PLEKHA4: variants seen among roughly 807,000 people sequenced by gnomAD.
The protein encoded by PLEKHA4 is pleckstrin homology domain containing A4, also known as pleckstrin homology domain-containing family A member 4.
In PLEKHA4, 73 loss-of-function variants were observed where a neutral mutation model predicts 94.7. That is an observed-to-expected ratio of 0.77 (90% CI 0.64 to 0.94). The LOEUF (loss-of-function observed/expected upper bound fraction) is 0.94. PLEKHA4 is among the 40% of genes least tolerant of loss of function. The probability of loss-of-function intolerance (pLI) is 0.00; values close to 1 mark genes in which losing one functional copy is unlikely to be tolerated. For missense variants in PLEKHA4, 1,049 were observed against 1,054.1 expected (o/e 1.00, Z 0.07); for synonymous variants, 449 against 437.1 (o/e 1.03, Z -0.34).
At chr19:48,865,114 C>T (rs1224269684) in intron 3 of PLEKHA4, among the ~76,000 whole-genome samples, 1 of 152,052 alleles carries the variant, frequency 6.6e-6, no homozygotes, top group African/African-American at 2.4e-5. Context: ...GGAGCCGAGG[C>T]GGGTGGATCA....
Position 48,847,919 on chromosome 19 carries a change from T to C in PLEKHA4, c.1547A>G (p.Glu516Gly). ...PDSPSPVLQG[E>G]ESSERESLPE... ...TCTTACCTCCCTCTCTGAGGACTCCTCGCCCTGGAGCACGGGAGATGGGGA... is the reference window on the plus strand; with the variant it reads ...TCTTACCTCCCTCTCTGAGGACTCCCCGCCCTGGAGCACGGGAGATGGGGA... Residue 516 changes from glutamate to glycine, a missense_variant, in exon 14 of 20, where the codon GAG (glutamate) becomes GGG (glycine). Transcript: ENST00000263265. 1 of 1,586,496 alleles carries C rather than the reference T, an allele frequency of 6.3e-7. No individual in the cohort carries two copies. The highest frequency in any genetic ancestry group is 8.6e-7 in the Non-Finnish European group (1 of 1,166,930).
intron 2 of PLEKHA4, 131 bp from the exon 3 acceptor site, chr19:48,865,741 G>T (rs557440755): frequency 1.6e-6 from 1 of 609,822 alleles, no homozygotes; most frequent in South Asian, 2.0e-5. Context: ...CCAGCCGGGC[G>T]CAGTGGCTCA....
At chr19:48,844,499 G>A (rs896292725) in intron 16 of PLEKHA4, 31 of 985,042 alleles carry the variant, frequency 3.1e-5, no homozygotes, top group Non-Finnish European at 3.7e-5. Flanking sequence ...ATCCCAACAG[G>A]TACCCCAAAG....
chr19:48,845,397 G>A lies in PLEKHA4; in HGVS notation c.1716C>T (p.His572=). ...VSRASSPEGR[H]LPSPQLGTKA... ...TGGTTCCTAGCTGTGGGGAAGGGAG[G>A]TGGCGACCCTCAGGGCTGGAAGCCC... is the stretch of plus-strand genomic sequence containing the variant. Residue 572 remains histidine (H), a synonymous_variant, in exon 16 of 20, where the codon CAC becomes CAT. Transcript: ENST00000263265. 6.2e-7 allele frequency: 1 copy of A among 1,613,380 alleles called. No individual in the cohort carries two copies. Among genetic ancestry groups the A allele is most frequent in the Non-Finnish European group, 8.5e-7 (1 of 1,180,014 alleles).
chr19:48,854,149 C>T lies in PLEKHA4; in HGVS notation c.1096-62G>A, dbSNP rs113718061. 1.5e-4 allele frequency: 238 copies of T among 1,612,664 alleles called. 2 individuals carry two copies. The South Asian group carries it at 1.8e-3, about 12-fold the overall frequency. On this transcript the variant is annotated intron_variant, in intron 10 of 19. Transcript: ENST00000263265. ...ATCTGGCTCTTCCCCTGCCGCTCCT[C>T]CCATCATCTAGAACATTCTCTCCCC...
At chr19:48,866,903 C>G (rs559620740) in intron 2 of PLEKHA4, among the ~76,000 whole-genome samples, 2 of 152,246 alleles carry the variant, frequency 1.3e-5, no homozygotes, top group African/African-American at 4.8e-5. Context: ...TCCATCCTGC[C>G]CGGATGGAGC....
At chr19:48,838,396 C>A in intron 18 of PLEKHA4, 5 of 188,234 alleles carry the variant, frequency 2.7e-5, no homozygotes, top group East Asian at 1.1e-4. Context: ...CTGCCTGTAT[C>A]AAAACATCTC....
At chr19:48,859,273 C>T in intron 7 of PLEKHA4, 134 bp from the exon 8 acceptor site, 1 of 912,180 alleles carries the variant, frequency 1.1e-6, no homozygotes, top group Non-Finnish European at 1.7e-6. Context: ...GAATCCTCCT[C>T]TACTGTCCAA....
chr19:48,838,698 C>T (rs896530003), intron 18 of PLEKHA4, among the ~76,000 whole-genome samples: 38 of 146,992 alleles, frequency 2.6e-4, no homozygotes, highest in African/African-American at 8.1e-4. Context: ...ACCCAGAAGG[C>T]GGAGGTTGCA....
chr19:48,844,612 C>G (rs1017182329), intron 16 of PLEKHA4: 1 of 985,088 alleles, frequency 1.0e-6, no homozygotes, highest in Non-Finnish European at 1.2e-6. Flanking sequence ...GTGATGGATC[C>G]GTACTTCTGA....
chr19:48,843,165 A>T (rs550206867), intron 16 of PLEKHA4, among the ~76,000 whole-genome samples: 24 of 150,700 alleles, frequency 1.6e-4, no homozygotes, highest in Middle Eastern at 3.4e-3. Context: ...TCTTTTTTTT[A>T]AATTATTTTA....
intron 8 of PLEKHA4, among the ~76,000 whole-genome samples, chr19:48,857,703 A>G (rs1425033778): frequency 6.6e-6 from 1 of 151,166 alleles, no homozygotes; most frequent in Non-Finnish European, 1.5e-5. Flanking sequence ...TGTTAAACAG[A>G]TGCTTGAAGG....
At position 48,839,302 on chromosome 19, in the gene PLEKHA4, A is replaced by G. The variant is rs200241620; in HGVS notation, c.1906-39T>C. On this transcript the variant is annotated intron_variant, in intron 17 of 19. Transcript: ENST00000263265. ...GGGGCATTAGAACTCCTCACCTGGA[A>G]GCCCCACGTTCTCATTTTGAGGGTG... 1.0e-4 allele frequency: 144 copies of G among 1,432,918 alleles called. 1 individual carries two copies. In the African/African-American group the frequency reaches 1.8e-3, roughly 18 times the overall value. 88.8% of individuals were successfully genotyped at this position (1,432,918 alleles called of 1,614,324 possible).
chr19:48,859,265 A>C (rs2036547136), intron 7 of PLEKHA4, 126 bp from the exon 8 acceptor site: 1 of 923,504 alleles, frequency 1.1e-6, no homozygotes, highest in East Asian at 2.6e-5. Flanking sequence ...CTGGGTTAGA[A>C]TCCTCCTCTA....
intron 16 of PLEKHA4, 136 bp from the exon 17 acceptor site, chr19:48,841,446 G>T: frequency 1.1e-6 from 1 of 908,844 alleles, no homozygotes; most frequent in Non-Finnish European, 1.6e-6. Flanking sequence ...GGCCAACTTG[G>T]CGAAATACCA....
At chr19:48,842,438 C>T (rs901666692) in intron 16 of PLEKHA4, among the ~76,000 whole-genome samples, 2 of 152,162 alleles carry the variant, frequency 1.3e-5, no homozygotes. Flanking sequence ...CGTGAGCCAC[C>T]GCGCCCAGCC....
intron 13 of PLEKHA4, among the ~76,000 whole-genome samples, chr19:48,850,349 C>G (rs950745417): frequency 3.3e-5 from 5 of 151,552 alleles, no homozygotes; most frequent in African/African-American, 1.2e-4. Context: ...ACTAAAAATA[C>G]AAAAATTAGC....
intron 12 of PLEKHA4, 66 bp downstream of exon 12, chr19:48,853,616 C>T: frequency 7.2e-7 from 1 of 1,396,066 alleles, no homozygotes; most frequent in Non-Finnish European, 9.3e-7. Context: ...GGGGCAGGTC[C>T]CCTTCGTAAC....
At position 48,861,659 on chromosome 19, in the gene PLEKHA4, A is replaced by G. The variant is rs759017208; in HGVS notation, c.226T>C (p.Trp76Arg). ...AGGCAATGGCCGGAGAGGACGAACC[A>G]GCGGCGTTTCCAGAGACGGAGCCCC... ...SSGLRLWKRR[W>R]FVLSGHCLFY... Residue 76 changes from tryptophan (W) to arginine (R), a missense_variant, in exon 4 of 20, where the codon TGG becomes CGG. Physicochemically the swap from Trp to Arg is moderately radical, Grantham distance 101. Transcript: ENST00000263265. The G allele has an allele frequency of 1.2e-6, 2 of 1,614,226 alleles. No homozygotes were observed. The highest frequency in any genetic ancestry group is 3.3e-5 in the Admixed American group (2 of 60,026).
Sources: allele counts gnomAD v4.1 joint callset (sites outside exome capture counted in the v4.1 genomes callset), GRCh38; gene constraint gnomAD v4.1.1; transcripts MANE v1.5; gene names NCBI Gene and HGNC (gene_info 2026-07-23, HGNC 2026-07-21).